The following NLGN4X variants were observed in gnomAD, a reference collection of about 807,000 sequenced individuals.
NLGN4X encodes neuroligin-4, X-linked.
A neutral mutation model predicts 40.3 loss-of-function variants in NLGN4X; 3 were observed. That is an observed-to-expected ratio of 0.07 (90% CI 0.03 to 0.19). The LOEUF is 0.19. NLGN4X is among the 10% of genes least tolerant of loss of function. NLGN4X has a pLI of 1.00. For synonymous variants in NLGN4X, 270 were observed against 306.8 expected (o/e 0.88, Z 1.25); for missense variants, 382 against 708.3 (o/e 0.54, Z 5.23).
chrX:6,051,997 G>T (rs947825531), intron 2 of NLGN4X, among the ~76,000 whole-genome samples: 1 of 110,728 alleles, frequency 9.0e-6, no homozygotes, highest in South Asian at 4.0e-4. Flanking sequence ...GATACGTGTC[G>T]CCGTATTGGG....
At chrX:5,908,140 T>G (rs1233119292) in intron 4 of NLGN4X, among the ~76,000 whole-genome samples, 10 of 87,680 alleles carry the variant, frequency 1.1e-4, no homozygotes, top group East Asian at 3.8e-4. Flanking sequence ...AGGAGAGAGG[T>G]AGAGGGAGGA....
intron 3 of NLGN4X, among the ~76,000 whole-genome samples, chrX:6,006,786 G>A (rs1007397876): frequency 9.0e-6 from 1 of 111,596 alleles, no homozygotes; most frequent in East Asian, 2.8e-4. Context: ...TTTGAAAAAC[G>A]TCAAAAAGCA....
intron 2 of NLGN4X, among the ~76,000 whole-genome samples, chrX:6,117,374 C>G (rs2039326721): frequency 9.0e-6 from 1 of 111,001 alleles, no homozygotes; most frequent in Admixed American, 9.6e-5. Context: ...AACCATACAG[C>G]CTAGGTTCAA....
chrX:6,102,667 C>CATACATACATAT (rs2038939601), intron 2 of NLGN4X, among the ~76,000 whole-genome samples: 1 of 110,026 alleles, frequency 9.1e-6, no homozygotes, highest in African/African-American at 3.4e-5. Flanking sequence ...TACATACATA[C>CATACATACATAT]ATACATAGAC....
intron 4 of NLGN4X, among the ~76,000 whole-genome samples, chrX:5,905,575 C>G (rs920947173): frequency 1.8e-5 from 2 of 112,565 alleles, no homozygotes; most frequent in African/African-American, 6.5e-5. Context: ...TGCTACGATA[C>G]TAATACTGTG....
intron 3 of NLGN4X, among the ~76,000 whole-genome samples, chrX:5,915,117 T>C (rs1342182539): frequency 8.9e-6 from 1 of 112,395 alleles, no homozygotes; most frequent in Non-Finnish European, 1.9e-5. Context: ...AGCAGACCAT[T>C]CTCCATTTGT....
intron 1 of NLGN4X, among the ~76,000 whole-genome samples, chrX:6,191,196 A>G (rs774601044): frequency 9.0e-5 from 10 of 111,348 alleles, no homozygotes; most frequent in Non-Finnish European, 1.9e-4. Context: ...ATAAGTCAGT[A>G]GAGGTTAATG....
At chrX:6,046,162 G>A (rs770102099) in intron 2 of NLGN4X, among the ~76,000 whole-genome samples, 2 of 111,607 alleles carry the variant, frequency 1.8e-5, no homozygotes, top group South Asian at 3.7e-4. Flanking sequence ...ATAAAAGAAC[G>A]CTTACATATT....
At chrX:6,102,154 T>C (rs754985091) in intron 2 of NLGN4X, among the ~76,000 whole-genome samples, 1 of 111,694 alleles carries the variant, frequency 9.0e-6, no homozygotes, top group East Asian at 2.8e-4. Flanking sequence ...ATTTGATTGT[T>C]TGTAACACAA....
intron 5 of NLGN4X, among the ~76,000 whole-genome samples, chrX:5,900,995 C>T (rs1231322388): frequency 5.4e-5 from 6 of 111,875 alleles, no homozygotes; most frequent in Middle Eastern, 4.7e-3. Flanking sequence ...AAAAAAGAAC[C>T]GTTGAGTGAT....
chrX:5,925,415 T>C (rs111682043), intron 3 of NLGN4X, among the ~76,000 whole-genome samples: 15 of 111,604 alleles, frequency 1.3e-4, no homozygotes, highest in African/African-American at 4.2e-4. Flanking sequence ...TAATTCCTTA[T>C]GGAAATCAAT....
At chrX:6,225,681 CTTTTTTTCTTTTTTTTTTTTTTTTT>C (rs1926176021) in intron 1 of NLGN4X, among the ~76,000 whole-genome samples, 6 of 33,809 alleles carry the variant, frequency 1.8e-4, no homozygotes, top group Admixed American at 4.3e-4. Flanking sequence ...TTTTTTCTTT[CTTTTTTTCTTTTTTTTTTTTTTTTT>C]TTTTTTTTTT....
intron 1 of NLGN4X, among the ~76,000 whole-genome samples, chrX:6,217,875 A>G (rs6639609): frequency 0.2 from 22,341 of 110,743 alleles, 2,599 homozygotes; most frequent in African/African-American, 0.45. Flanking sequence ...TTAGCTAGTA[A>G]CCAGAACCCT....
intron 2 of NLGN4X, among the ~76,000 whole-genome samples, chrX:6,144,800 C>T (rs1466695184): frequency 2.7e-5 from 3 of 111,288 alleles, no homozygotes; most frequent in East Asian, 5.7e-4. Context: ...CTAATTCAAT[C>T]GGCAACCTTA....
chrX:6,171,863 T>G (rs1302556681), intron 1 of NLGN4X, among the ~76,000 whole-genome samples: 1 of 111,459 alleles, frequency 9.0e-6, no homozygotes, highest in Non-Finnish European at 1.9e-5. Flanking sequence ...GATGGCATCA[T>G]GGGGAGCAGA....
intron 2 of NLGN4X, among the ~76,000 whole-genome samples, chrX:6,033,593 T>C (rs1466721200): frequency 1.8e-5 from 2 of 112,348 alleles, no homozygotes; most frequent in Non-Finnish European, 3.8e-5. Context: ...AGTTACTAAA[T>C]ATCATTTGAA....
At chrX:6,183,935 T>C (rs923837417) in intron 1 of NLGN4X, among the ~76,000 whole-genome samples, 1 of 112,305 alleles carries the variant, frequency 8.9e-6, no homozygotes, top group African/African-American at 3.2e-5. Context: ...GTTTAAACTA[T>C]AACCTAATAT....
rs1370790159 is a variant in NLGN4X, at chrX:5,950,302, T to TA, written c.626-41064dup. 4.4e-5 allele frequency among the ~76,000 whole-genome samples: 5 copies of TA among 112,432 alleles called. No homozygotes were observed. The Admixed American group carries it at 4.7e-4, about 11-fold the overall frequency. The stretch of plus-strand genomic sequence containing the variant: ...TGTACTCTGAATATCAAATATGTAG[T>TA]AAAAAATATGCAAACTATATTTTGT... On this transcript the variant is annotated intron_variant, in intron 3 of 5. Transcript: ENST00000381095.
chrX:6,052,853 T>A (rs2037527464), intron 2 of NLGN4X, among the ~76,000 whole-genome samples: 1 of 112,473 alleles, frequency 8.9e-6, no homozygotes, highest in South Asian at 3.6e-4. Flanking sequence ...CATCACAAAT[T>A]ATAACAGAGT....
Sources: allele counts gnomAD v4.1 joint callset (sites outside exome capture counted in the v4.1 genomes callset), GRCh38; gene constraint gnomAD v4.1.1; transcripts MANE v1.5; gene names NCBI Gene and HGNC (gene_info 2026-07-23, HGNC 2026-07-21).